Variants in ADGRV1 observed in about 807,000 individuals in gnomAD.
ADGRV1 encodes the protein G-protein coupled receptor 98.
A neutral mutation model predicts 596.2 loss-of-function variants in ADGRV1; 359 were observed. The ratio of observed to expected loss-of-function variants is 0.60; its 90% CI spans 0.55 to 0.66. The LOEUF (loss-of-function observed/expected upper bound fraction) is 0.66, where lower values mean the gene tolerates loss of function less well. Ranked by LOEUF, ADGRV1 falls within the 30% of genes least tolerant of loss-of-function variation. The probability of loss-of-function intolerance (pLI) is 0.00; values close to 1 mark genes in which losing one functional copy is unlikely to be tolerated. For synonymous variants in ADGRV1, 2,681 were observed against 2,679.2 expected, an observed-to-expected ratio of 1.00 and a Z score of -0.02; for missense variants, 7,274 against 7,575.6, an observed-to-expected ratio of 0.96 and a Z score of 1.48.
At chr5:91,074,892 C>G (rs1456655702) in intron 86 of ADGRV1, among the ~76,000 whole-genome samples, 1 of 152,092 alleles carries the variant, frequency 6.6e-6, no homozygotes, top group East Asian at 1.9e-4. Context: ...GAAGTGGTAT[C>G]TCATTGTGGT....
chr5:90,614,586 A>G (rs1204945711), intron 1 of ADGRV1: 2 of 437,038 alleles, frequency 4.6e-6, no homozygotes, highest in Non-Finnish European at 8.3e-6. Context: ...TACAGCTATT[A>G]TCTTGGTATA....
At chr5:90,802,920 T>G in intron 71 of ADGRV1, 38 bp downstream of exon 71, 1 of 1,539,316 alleles carries the variant, frequency 6.5e-7, no homozygotes, top group Non-Finnish European at 8.8e-7. Context: ...AGCAGAACAC[T>G]AGAGGGCAGC....
chr5:90,808,922 A>G (rs1056362945), intron 73 of ADGRV1, among the ~76,000 whole-genome samples: 2 of 151,024 alleles, frequency 1.3e-5, no homozygotes, highest in African/African-American at 4.8e-5. Context: ...AAGTAGTATT[A>G]TAGGGCTTAC....
intron 83 of ADGRV1, among the ~76,000 whole-genome samples, chr5:90,865,823 G>C (rs1171591824): frequency 6.6e-6 from 1 of 152,102 alleles, no homozygotes; most frequent in Non-Finnish European, 1.5e-5. Flanking sequence ...ACTACAGTAA[G>C]TTGGGCTCCC....
At chr5:90,672,142 G>A (rs1772569267) in intron 21 of ADGRV1, among the ~76,000 whole-genome samples, 1 of 152,050 alleles carries the variant, frequency 6.6e-6, no homozygotes, top group East Asian at 1.9e-4. Flanking sequence ...CATTTGGTCT[G>A]TCTGTGCTGA....
At chr5:90,850,078 G>A (rs1363882075) in intron 79 of ADGRV1, among the ~76,000 whole-genome samples, 1 of 152,090 alleles carries the variant, frequency 6.6e-6, no homozygotes, top group Non-Finnish European at 1.5e-5. Flanking sequence ...GAGAGGCCTG[G>A]ACTCAACCCC....
chr5:91,010,162 A>G (rs73187127), intron 85 of ADGRV1, among the ~76,000 whole-genome samples: 21,056 of 152,090 alleles, frequency 0.14, 1,971 homozygotes, highest in African/African-American at 0.24. Flanking sequence ...TAGGGGAACA[A>G]AATGAATGGG....
At chr5:90,814,570 TAGTG>T in intron 74 of ADGRV1, among the ~76,000 whole-genome samples, 1 of 152,212 alleles carries the variant, frequency 6.6e-6, no homozygotes. Context: ...GTTCTTGTGA[TAGTG>T]AGTGAGTTCT....
At chr5:91,067,306 G>C (rs1787969032) in intron 85 of ADGRV1, among the ~76,000 whole-genome samples, 1 of 151,974 alleles carries the variant, frequency 6.6e-6, no homozygotes, top group African/African-American at 2.4e-5. Context: ...ACCACACCCA[G>C]CTAATTTTGT....
intron 83 of ADGRV1, among the ~76,000 whole-genome samples, chr5:90,946,282 A>G (rs958031743): frequency 6.6e-6 from 1 of 152,104 alleles, no homozygotes; most frequent in Non-Finnish European, 1.5e-5. Flanking sequence ...AGATAGGGCA[A>G]GATCATATAG....
At chr5:90,751,397 A>G (rs1755236209) in intron 53 of ADGRV1, among the ~76,000 whole-genome samples, 1 of 152,162 alleles carries the variant, frequency 6.6e-6, no homozygotes, top group Non-Finnish European at 1.5e-5. Flanking sequence ...AGTTTGCTGT[A>G]GGAAAGGGTG....
chr5:90,894,997 C>T (rs967090797), intron 83 of ADGRV1, among the ~76,000 whole-genome samples: 8 of 152,014 alleles, frequency 5.3e-5, no homozygotes, highest in South Asian at 2.1e-4. Flanking sequence ...GGCATGATCA[C>T]GGCTCATTGT....
intron 50 of ADGRV1, among the ~76,000 whole-genome samples, chr5:90,737,524 G>A (rs1183122803): frequency 1.3e-5 from 2 of 151,872 alleles, no homozygotes; most frequent in African/African-American, 4.8e-5. Flanking sequence ...TTAAAAGTGG[G>A]ATACTGGGGT....
intron 73 of ADGRV1, among the ~76,000 whole-genome samples, chr5:90,808,374 T>C (rs1247583254): frequency 1.3e-5 from 2 of 152,200 alleles, no homozygotes; most frequent in Non-Finnish European, 2.9e-5. Context: ...AATTACTTGA[T>C]CTTTCTGTTC....
chr5:91,054,008 G>T (rs1786587023), intron 85 of ADGRV1, among the ~76,000 whole-genome samples: 1 of 151,500 alleles, frequency 6.6e-6, no homozygotes, highest in South Asian at 2.1e-4. Flanking sequence ...CCATTATATG[G>T]CACAATAGCC....
intron 85 of ADGRV1, among the ~76,000 whole-genome samples, chr5:91,041,465 A>G (rs890907263): frequency 6.6e-6 from 1 of 152,096 alleles, no homozygotes; most frequent in Non-Finnish European, 1.5e-5. Flanking sequence ...GGAGGGGAAC[A>G]TCACACACTG....
chr5:90,706,141 G>C, intron 37 of ADGRV1, 90 bp from the exon 38 acceptor site: 1 of 1,097,736 alleles, frequency 9.1e-7, no homozygotes, highest in Admixed American at 2.5e-5. Context: ...GCTACTAAAG[G>C]TGCTTTTAGG....
At chr5:90,614,288 C>A in intron 1 of ADGRV1, 1 of 324,376 alleles carries the variant, frequency 3.1e-6, no homozygotes, top group South Asian at 2.5e-5. Flanking sequence ...AATTTAAGTC[C>A]TGGAAATTTA....
intron 65 of ADGRV1, 56 bp downstream of exon 65, chr5:90,781,634 T>G (rs1354968151): frequency 1.3e-6 from 2 of 1,517,286 alleles, no homozygotes; most frequent in Non-Finnish European, 1.8e-6. Flanking sequence ...CAAATTACAT[T>G]AGTTTGAATT....
Sources: gnomAD v4.1 joint callset for allele counts (sites outside exome capture counted in the v4.1 genomes callset) on GRCh38, gnomAD v4.1.1 for gene constraint, MANE v1.5 for transcripts, NCBI Gene and HGNC (gene_info 2026-07-23, HGNC 2026-07-21) for gene names.